Variants in GHRL observed in about 807,000 individuals in gnomAD.
GHRL encodes ghrelin and obestatin prepropeptide, also known as appetite-regulating hormone.
In GHRL, 24 loss-of-function variants were observed where a neutral mutation model predicts 16.9. The ratio of observed to expected loss-of-function variants is 1.42; its 90% confidence interval spans 1.03 to 2.00. GHRL has a LOEUF of 2.00. GHRL is among the 30% of genes most tolerant of loss of function. GHRL has a pLI of 0.00. For synonymous variants in GHRL, 63 were observed against 58.2 expected, an observed-to-expected ratio of 1.08 and a Z score of -0.37; for missense variants, 193 against 142.1, an observed-to-expected ratio of 1.36 and a Z score of -1.82.
At chr3:10,290,027 G>A (rs775924171) in intron 3 of GHRL, 46 bp downstream of exon 3, 1 of 1,604,592 alleles carries the variant, frequency 6.2e-7, no homozygotes, top group South Asian at 1.1e-5. Context: ...TGGTTGCTAA[G>A]TGGCAGGGCT....
At chr3:10,291,842 A>G (rs933024548) in intron 1 of GHRL, among the ~76,000 whole-genome samples, 5 of 152,132 alleles carry the variant, frequency 3.3e-5, no homozygotes, top group African/African-American at 9.7e-5. Flanking sequence ...GCTCCAGGAA[A>G]GAGGCCTGTG....
In GHRL at chr3:10,292,922, C is replaced by CAA. The variant is rs1389075007; in HGVS notation, c.-848_-847dup. ...CACCAGCAAGTAAACATCCACTGTG[C>CAA]AAAGCTGTGTTATCTTTGGGGAACT... On this transcript the variant is annotated 5_prime_UTR_variant, in exon 1 of 6. Coordinates refer to ENST00000335542, the MANE Select transcript of GHRL (RefSeq NM_016362.5). 1.3e-6 allele frequency: 2 copies of CAA among 1,536,350 alleles called. No homozygotes were observed. The highest frequency in any genetic ancestry group is 1.8e-6 in the Non-Finnish European group (2 of 1,138,228).
intron 3 of GHRL, 72 bp downstream of exon 3, chr3:10,290,001 C>T (rs575581521): frequency 1.9e-6 from 3 of 1,566,618 alleles, no homozygotes; most frequent in East Asian, 4.5e-5. Flanking sequence ...GGCGCTGCTG[C>T]TCCAGGTCAC....
intron 2 of GHRL, 134 bp from the exon 3 acceptor site, chr3:10,290,343 C>T (rs1027637484): frequency 1.3e-5 from 10 of 770,916 alleles, no homozygotes; most frequent in African/African-American, 5.3e-5. Flanking sequence ...AGAGGACCCC[C>T]GCTTCCACCT....
In GHRL at chr3:10,290,755, G is replaced by A. The variant is rs910663154; in HGVS notation, c.-69C>T. On this transcript the variant is annotated 5_prime_UTR_variant, in exon 2 of 6. Coordinates refer to ENST00000335542, the MANE Select transcript of GHRL (RefSeq NM_016362.5). ...GGAGGTGGTGCCTGGTGGCTGTCAG[G>A]TCCTTATATAGGATGACTGGCGTTT... 3.0e-6 allele frequency: 3 copies of A among 995,404 alleles called. No homozygotes were observed. The highest frequency in any genetic ancestry group is 4.6e-5 in the South Asian group (1 of 21,520). The allele number at this position is 995,404 out of a possible 1,614,324, so 61.7% of individuals were successfully genotyped here.
intron 4 of GHRL, among the ~76,000 whole-genome samples, chr3:10,288,825 A>G (rs1430066660): frequency 6.6e-6 from 1 of 152,226 alleles, no homozygotes; most frequent in African/African-American, 2.4e-5. Flanking sequence ...CCATCAGACC[A>G]GTGAGGAGGA....
chr3:10,290,969 G>A lies in GHRL; in HGVS notation c.-283C>T, dbSNP rs920205133. 1.7e-5 allele frequency: 17 copies of A among 985,714 alleles called. No homozygotes were observed. Among genetic ancestry groups the A allele is most frequent in the Non-Finnish European group, 1.8e-5 (15 of 830,168 alleles). The allele number at this position is 985,714 out of a possible 1,614,324, so 61.1% of individuals were successfully genotyped here. A position where few individuals can be genotyped will look rare whatever the true frequency, so the allele number is the denominator to read the frequency against. ...AGCTGTCCCTGGAACACGGTGGCGGGGTGCCCCAAGTGGGCATGGCCCTGG... is the reference window on the plus strand; with the variant it reads ...AGCTGTCCCTGGAACACGGTGGCGGAGTGCCCCAAGTGGGCATGGCCCTGG... On this transcript the variant is annotated 5_prime_UTR_variant, in exon 2 of 6. Transcript: ENST00000335542.
intron 4 of GHRL, 48 bp downstream of exon 4, chr3:10,289,714 C>A (rs368733823): frequency 2.5e-6 from 3 of 1,195,172 alleles, no homozygotes; most frequent in Middle Eastern, 1.9e-4. Context: ...CTCCCCTGAC[C>A]CCACCCTCCT....
Position 10,285,685 on chromosome 3 carries a change from G to T in GHRL, c.*190C>A. ...GAATTATTTTTATTTGTATTATTTT[G>T]ATTTTTTTAAAGTAAAATATTAACT... is the stretch of plus-strand genomic sequence containing the variant. On this transcript the variant is annotated 3_prime_UTR_variant, in exon 6 of 6. Transcript: ENST00000335542. 1 of 541,108 alleles carries T rather than the reference G, an allele frequency of 1.8e-6. No homozygotes were observed. The highest frequency in any genetic ancestry group is 3.4e-6 in the Non-Finnish European group (1 of 296,894). The allele number at this position is 541,108 out of a possible 1,614,324, so 33.5% of individuals were successfully genotyped here.
At chr3:10,290,238 G>A (rs943806206) in intron 2 of GHRL, 29 bp from the exon 3 acceptor site, 5 of 1,566,852 alleles carry the variant, frequency 3.2e-6, no homozygotes, top group Admixed American at 1.9e-5. Flanking sequence ...CCAGGCAGCT[G>A]CCTCCCCTTC....
intron 4 of GHRL, 90 bp from the exon 5 acceptor site, chr3:10,286,902 C>G: frequency 1.3e-6 from 1 of 768,434 alleles, no homozygotes; most frequent in Non-Finnish European, 2.2e-6. Flanking sequence ...TGCCTCTCTT[C>G]AGGAGTGGAG....
At position 10,290,743 on chromosome 3, in the gene GHRL, G is replaced by C; in HGVS notation, c.-57C>G. On this transcript the variant is annotated 5_prime_UTR_variant, in exon 2 of 6. Coordinates refer to ENST00000335542, the MANE Select transcript of GHRL (RefSeq NM_016362.5). Reference sequence around the variant, plus strand: ...GCAGTTCCTGGCGGAGGTGGTGCCTGGTGGCTGTCAGGTCCTTATATAGGA... The same window carrying C: ...GCAGTTCCTGGCGGAGGTGGTGCCTCGTGGCTGTCAGGTCCTTATATAGGA... 4.0e-6 allele frequency: 4 copies of C among 997,766 alleles called. No homozygotes were observed. Among genetic ancestry groups the C allele is most frequent in the Non-Finnish European group, 4.8e-6 (4 of 837,650 alleles). The allele number at this position is 997,766 out of a possible 1,614,324, so 61.8% of individuals were successfully genotyped here. A position where few individuals can be genotyped will look rare whatever the true frequency, so the allele number is the denominator to read the frequency against.
chr3:10,292,691 G>C, intron 1 of GHRL, 151 bp downstream of exon 1: 1 of 605,856 alleles, frequency 1.7e-6, no homozygotes, highest in South Asian at 2.0e-5. Flanking sequence ...CAGAGAGGCT[G>C]AATGTGGAGA....
Position 10,290,734 on chromosome 3 carries a change from G to A in GHRL, c.-48C>T, listed in dbSNP as rs544045349. The A allele has an allele frequency of 4.3e-5, 43 of 998,638 alleles. No individual in the cohort carries two copies. The South Asian group carries it at 1.6e-3, about 38-fold the overall frequency. 61.9% of individuals were successfully genotyped at this position (998,638 alleles called of 1,614,324 possible). ...AGCTTACCTGCAGTTCCTGGCGGAG[G>A]TGGTGCCTGGTGGCTGTCAGGTCCT... On this transcript the variant is annotated 5_prime_UTR_variant, in exon 2 of 6. Coordinates refer to ENST00000335542, the MANE Select transcript of GHRL (RefSeq NM_016362.5).
In GHRL at chr3:10,286,695, AGGACTCACCTTT is replaced by A. The variant is rs1314783897; in HGVS notation, c.331_334+8del. 21 of 1,469,682 alleles carry A rather than the reference AGGACTCACCTTT, an allele frequency of 1.4e-5. No homozygotes were observed. The highest frequency in any genetic ancestry group is 1.8e-5 in the Non-Finnish European group (19 of 1,048,012). The allele number at this position is 1,469,682 out of a possible 1,614,324, so 91.0% of individuals were successfully genotyped here. ...GAAACCGAGCAAACCCAGTCCAGGC[AGGACTCACCTTT>A]GGCCTCTTCCCAGAGGATGTCCTGA... On this transcript the variant is annotated splice_donor_variant and splice_donor_5th_base_variant and coding_sequence_variant and intron_variant, in exon 5 of 6. Coordinates refer to ENST00000335542, the MANE Select transcript of GHRL (RefSeq NM_016362.5). LOFTEE classifies it high-confidence loss of function.
At chr3:10,292,630 T>C (rs967517383) in intron 1 of GHRL, 7 of 536,004 alleles carry the variant, frequency 1.3e-5, no homozygotes, top group African/African-American at 1.2e-4. Context: ...CCAGGAGGTC[T>C]TCACAGGCCT....
chr3:10,291,869 G>A (rs559948204), intron 1 of GHRL, among the ~76,000 whole-genome samples: 47 of 152,274 alleles, frequency 3.1e-4, no homozygotes, highest in African/African-American at 1.1e-3. Flanking sequence ...TCGGGGCAGG[G>A]CTTTGGAGGG....
Position 10,291,287 on chromosome 3 carries a change from T to C in GHRL, c.-601A>G, listed in dbSNP as rs1699977143. Reference sequence around the variant, plus strand: ...CTGATCATCCTCTCCAGAGAGTGGGTGTGGGGATAACTTCAGCCAGTGGCT... The same window carrying C: ...CTGATCATCCTCTCCAGAGAGTGGGCGTGGGGATAACTTCAGCCAGTGGCT... On this transcript the variant is annotated 5_prime_UTR_variant, in exon 2 of 6. Transcript: ENST00000335542. 1.0e-6 allele frequency: 1 copy of C among 985,210 alleles called. No homozygotes were observed. The highest frequency in any genetic ancestry group is 4.7e-5 in the South Asian group (1 of 21,278). The allele number at this position is 985,210 out of a possible 1,614,324, so 61.0% of individuals were successfully genotyped here. A position where few individuals can be genotyped will look rare whatever the true frequency, so the allele number is the denominator to read the frequency against.
chr3:10,289,689 C>T (rs937633197), intron 4 of GHRL, 73 bp downstream of exon 4: 21 of 928,056 alleles, frequency 2.3e-5, no homozygotes, highest in Admixed American at 1.0e-4. Flanking sequence ...ACTGCCACCT[C>T]TCCCTGCCCT....
Sources: allele counts gnomAD v4.1 joint callset (sites outside exome capture counted in the v4.1 genomes callset), GRCh38; gene constraint gnomAD v4.1.1; transcripts MANE v1.5; gene names NCBI Gene and HGNC (gene_info 2026-07-23, HGNC 2026-07-21).